The following CD28 variants were observed in gnomAD, a reference collection of about 807,000 sequenced individuals.
The protein encoded by CD28 is T-cell-specific surface glycoprotein CD28.
A neutral mutation model predicts 21.4 loss-of-function variants in CD28; 8 were observed. The observed-to-expected ratio is 0.37, with a 90% confidence interval of 0.22 to 0.68. CD28 has a LOEUF of 0.68. Among genes scored for constraint, CD28 ranks in the 30% least tolerant of loss-of-function variants. The probability of loss-of-function intolerance (pLI) is 0.55; values close to 1 mark genes in which losing one functional copy is unlikely to be tolerated. For synonymous variants in CD28, 106 were observed against 104.0 expected (o/e 1.02, Z -0.12); for missense variants, 239 against 272.2 (o/e 0.88, Z 0.86).
At position 203,729,683 on chromosome 2, in the gene CD28, C is replaced by G. The variant is rs772079144; in HGVS notation, c.445C>G (p.Pro149Ala). Residue 149 changes from proline (P) to alanine (A), a missense_variant, in exon 3 of 4, where the codon CCT (proline) becomes GCT (alanine). Transcript: ENST00000324106. ...TTGTCCAAGTCCCCTATTTCCCGGA[C>G]CTTCTAAGCCCTTTTGGGTGCTGGT... ...HLCPSPLFPG[P>A]SKPFWVLVVV... The G allele has an allele frequency of 1.9e-6, 3 of 1,614,042 alleles. No individual in the cohort carries two copies. The highest frequency in any genetic ancestry group is 2.5e-6 in the Non-Finnish European group (3 of 1,179,928).
rs143649359 is a variant in CD28 at position 203,720,521 on chromosome 2, C to G, written c.53-6112C>G. Among the ~76,000 whole-genome samples the G allele has an allele frequency of 4.8e-3, 735 of 152,288 alleles. 5 individuals are homozygous for G. The highest frequency in any genetic ancestry group is 0.017 in the African/African-American group (700 of 41,544). On this transcript the variant is annotated intron_variant, in intron 1 of 3. Transcript: ENST00000324106. Reference sequence around the variant, plus strand: ...CCAAGTAGCCTAAGAAGAATGCCTTCCACTCCTAGCATGAACTGGAAAGCA... The same window carrying G: ...CCAAGTAGCCTAAGAAGAATGCCTTGCACTCCTAGCATGAACTGGAAAGCA...
chr2:203,729,922 TG>T, intron 3 of CD28, 150 bp downstream of exon 3: 1 of 789,958 alleles, frequency 1.3e-6, no homozygotes, highest in South Asian at 1.9e-5. Context: ...TCTTTTAGCT[TG>T]TTCAACTCTA....
In CD28 at chr2:203,738,447, T is replaced by C. The variant is rs1021278510; in HGVS notation, c.*3535T>C. 5 of 152,088 alleles carry C rather than the reference T, an allele frequency of 3.3e-5. No individual in the cohort carries two copies. Among genetic ancestry groups the C allele is most frequent in the Non-Finnish European group, 7.4e-5 (5 of 68,022 alleles). The allele number at this position is 152,088 out of a possible 1,614,324, so 9.4% of individuals were successfully genotyped here. ...TATTAATAATCCAGGTCAAAGAGAGTGACACACACTCTCTCAAGACCTGGG... is the reference window on the plus strand; with the variant it reads ...TATTAATAATCCAGGTCAAAGAGAGCGACACACACTCTCTCAAGACCTGGG... On this transcript the variant is annotated 3_prime_UTR_variant, in exon 4 of 4. Coordinates refer to ENST00000324106, the MANE Select transcript of CD28 (RefSeq NM_006139.4).
rs1693755113 is a variant in CD28, at chr2:203,726,614, T to A, written c.53-19T>A. The A allele has an allele frequency of 1.3e-6, 2 of 1,565,736 alleles. No homozygotes were observed. The highest frequency in any genetic ancestry group is 2.3e-5 in the South Asian group (2 of 88,012). On this transcript the variant is annotated intron_variant, in intron 1 of 3. Coordinates refer to ENST00000324106, the MANE Select transcript of CD28 (RefSeq NM_006139.4). ...TCCTTATATTCTTGTTCTAAGCAAATGATTTTTTTTTCCCCCAGGAAACAA... is the reference window on the plus strand; with the variant it reads ...TCCTTATATTCTTGTTCTAAGCAAAAGATTTTTTTTTCCCCCAGGAAACAA...
At position 203,736,581 on chromosome 2, in the gene CD28, T is replaced by G. The variant is rs1404912198; in HGVS notation, c.*1669T>G. On this transcript the variant is annotated 3_prime_UTR_variant, in exon 4 of 4. Coordinates refer to ENST00000324106, the MANE Select transcript of CD28 (RefSeq NM_006139.4). ...AAATGACCATGGATATTTTTCTACCTACAGTTTGAGTCAACTAGAATATGC... is the reference window on the plus strand; with the variant it reads ...AAATGACCATGGATATTTTTCTACCGACAGTTTGAGTCAACTAGAATATGC... 1.3e-5 allele frequency: 2 copies of G among 152,228 alleles called. No individual in the cohort carries two copies. The highest frequency in any genetic ancestry group is 3.8e-4 in the East Asian group (2 of 5,196). The allele number at this position is 152,228 out of a possible 1,614,324, so 9.4% of individuals were successfully genotyped here.
intron 1 of CD28, among the ~76,000 whole-genome samples, chr2:203,709,563 A>G (rs1693257924): frequency 6.6e-6 from 1 of 152,198 alleles, no homozygotes; most frequent in Non-Finnish European, 1.5e-5. Flanking sequence ...ACCTTAACTT[A>G]GATAAGCCCT....
At chr2:203,708,241 A>T (rs1376050211) in intron 1 of CD28, among the ~76,000 whole-genome samples, 2 of 152,158 alleles carry the variant, frequency 1.3e-5, no homozygotes, top group Non-Finnish European at 2.9e-5. Context: ...GTGAGCACAA[A>T]TTGTGTATAT....
At chr2:203,720,532 A>G (rs571831381) in intron 1 of CD28, among the ~76,000 whole-genome samples, 1 of 152,374 alleles carries the variant, frequency 6.6e-6, no homozygotes, top group South Asian at 2.1e-4. Flanking sequence ...CACTCCTAGC[A>G]TGAACTGGAA....
At chr2:203,716,584 T>C (rs1309537901) in intron 1 of CD28, among the ~76,000 whole-genome samples, 2 of 152,180 alleles carry the variant, frequency 1.3e-5, no homozygotes, top group African/African-American at 2.4e-5. Flanking sequence ...AAAGTACTCA[T>C]TGATTGTTTT....
chr2:203,721,902 A>G (rs1259221196), intron 1 of CD28, among the ~76,000 whole-genome samples: 1 of 152,002 alleles, frequency 6.6e-6, no homozygotes, highest in Non-Finnish European at 1.5e-5. Context: ...TCAGCAAACC[A>G]CTGGACTCTA....
intron 1 of CD28, among the ~76,000 whole-genome samples, chr2:203,719,689 C>T (rs190174941): frequency 4.8e-4 from 73 of 152,280 alleles, no homozygotes; most frequent in African/African-American, 1.8e-3. Flanking sequence ...ACTGTCCTGC[C>T]TATTTACTTC....
At chr2:203,732,915 T>A (rs1278744522) in intron 3 of CD28, among the ~76,000 whole-genome samples, 1 of 152,212 alleles carries the variant, frequency 6.6e-6, no homozygotes, top group East Asian at 1.9e-4. Flanking sequence ...TTATTTTATG[T>A]GCAATGTAAA....
At chr2:203,714,747 G>C (rs1235588377) in intron 1 of CD28, among the ~76,000 whole-genome samples, 3 of 152,164 alleles carry the variant, frequency 2.0e-5, no homozygotes, top group African/African-American at 7.2e-5. Flanking sequence ...CCATCCCCTT[G>C]TGGATGCTCT....
At chr2:203,717,174 A>T (rs1038287480) in intron 1 of CD28, among the ~76,000 whole-genome samples, 17 of 152,092 alleles carry the variant, frequency 1.1e-4, no homozygotes, top group African/African-American at 3.9e-4. Flanking sequence ...TCAGGATTCT[A>T]TTTCTATTTA....
At chr2:203,732,875 G>A (rs1386976384) in intron 3 of CD28, among the ~76,000 whole-genome samples, 1 of 152,204 alleles carries the variant, frequency 6.6e-6, no homozygotes, top group East Asian at 1.9e-4. Context: ...TTGAGGATAA[G>A]CATGGGAGCT....
chr2:203,738,525 T>C lies in CD28; in HGVS notation c.*3613T>C, dbSNP rs1401619797. On this transcript the variant is annotated 3_prime_UTR_variant, in exon 4 of 4. Transcript: ENST00000324106. ...CCATTTGAGGCTCAGAAAGTCTCTC[T>C]TTCCTATAGATATATGCATACTTTC... The C allele has an allele frequency of 1.3e-5, 2 of 152,196 alleles. No individual in the cohort carries two copies. The highest frequency in any genetic ancestry group is 2.9e-5 in the Non-Finnish European group (2 of 68,036). 9.4% of individuals were successfully genotyped at this position (152,196 alleles called of 1,614,324 possible). A position where few individuals can be genotyped will look rare whatever the true frequency, so the allele number is the denominator to read the frequency against.
intron 1 of CD28, among the ~76,000 whole-genome samples, chr2:203,710,483 T>C (rs574501366): frequency 6.6e-6 from 1 of 152,250 alleles, no homozygotes; most frequent in Non-Finnish European, 1.5e-5. Flanking sequence ...AAACTTTTAC[T>C]ATGGGTGGGG....
intron 1 of CD28, among the ~76,000 whole-genome samples, chr2:203,724,059 A>C (rs1430352763): frequency 6.6e-6 from 1 of 152,216 alleles, no homozygotes; most frequent in Non-Finnish European, 1.5e-5. Context: ...TGGTGCATGC[A>C]ACAACATGGA....
At chr2:203,732,068 C>G (rs931203289) in intron 3 of CD28, among the ~76,000 whole-genome samples, 2 of 152,164 alleles carry the variant, frequency 1.3e-5, no homozygotes, top group Non-Finnish European at 2.9e-5. Flanking sequence ...AAGTACCTTG[C>G]TGAGTTGGGC....
Sources: gnomAD v4.1 joint callset for allele counts (sites outside exome capture counted in the v4.1 genomes callset) on GRCh38, gnomAD v4.1.1 for gene constraint, MANE v1.5 for transcripts, NCBI Gene and HGNC (gene_info 2026-07-23, HGNC 2026-07-21) for gene names.